ASTN2: variants seen among roughly 807,000 people sequenced by gnomAD.
ASTN2 encodes the protein astrotactin 2.
A neutral mutation model predicts 139.8 loss-of-function variants in ASTN2; 54 were observed. That is an observed-to-expected ratio of 0.39 (90% confidence interval 0.31 to 0.48). The LOEUF (loss-of-function observed/expected upper bound fraction) is 0.48. ASTN2 is among the 20% of genes least tolerant of loss of function. ASTN2 has a pLI of 0.95. For synonymous variants in ASTN2, 756 were observed against 719.5 expected (o/e 1.05, Z -0.81); for missense variants, 1,565 against 1,725.1 (o/e 0.91, Z 1.64).
intron 19 of ASTN2, among the ~76,000 whole-genome samples, chr9:116,588,064 C>T (rs1408990930): frequency 6.6e-6 from 1 of 152,128 alleles, no homozygotes; most frequent in African/African-American, 2.4e-5. Flanking sequence ...TACAGTGTTA[C>T]TACAAAACTG....
chr9:116,889,963 A>G (rs983049030), intron 10 of ASTN2, among the ~76,000 whole-genome samples: 8 of 152,180 alleles, frequency 5.3e-5, no homozygotes, highest in African/African-American at 1.9e-4. Flanking sequence ...TAGGAAAGAA[A>G]GGAAGAAAGA....
chr9:116,877,098 A>C (rs1833323180), intron 10 of ASTN2, among the ~76,000 whole-genome samples: 1 of 152,174 alleles, frequency 6.6e-6, no homozygotes, highest in Non-Finnish European at 1.5e-5. Context: ...CATTTACCCT[A>C]TTTGGAAAAG....
chr9:117,409,662 G>T (rs1943007007), intron 1 of ASTN2, among the ~76,000 whole-genome samples: 1 of 152,048 alleles, frequency 6.6e-6, no homozygotes, highest in Non-Finnish European at 1.5e-5. Context: ...TAGGGACAGG[G>T]TCTCCCCCTG....
chr9:117,205,066 T>G (rs546760025), intron 3 of ASTN2, among the ~76,000 whole-genome samples: 1 of 152,304 alleles, frequency 6.6e-6, no homozygotes, highest in South Asian at 2.1e-4. Context: ...CTGTCCTTGT[T>G]GTAAGATGAG....
intron 1 of ASTN2, among the ~76,000 whole-genome samples, chr9:117,301,053 G>C (rs1223372654): frequency 6.6e-6 from 1 of 152,158 alleles, no homozygotes; most frequent in Non-Finnish European, 1.5e-5. Flanking sequence ...GAAGAATTAA[G>C]AGCTATTGGC....
intron 1 of ASTN2, among the ~76,000 whole-genome samples, chr9:117,380,615 A>C (rs1830244642): frequency 6.7e-6 from 1 of 149,962 alleles, no homozygotes. Context: ...AAAAAAAAAA[A>C]GATAACCTGC....
chr9:117,297,601 A>T (rs1251309149), intron 1 of ASTN2, among the ~76,000 whole-genome samples: 1 of 152,212 alleles, frequency 6.6e-6, no homozygotes, highest in Non-Finnish European at 1.5e-5. Flanking sequence ...AGGTTAAGGC[A>T]AACTAATGAT....
At chr9:117,374,267 A>G (rs1830062471) in intron 1 of ASTN2, among the ~76,000 whole-genome samples, 1 of 151,216 alleles carries the variant, frequency 6.6e-6, no homozygotes, top group African/African-American at 2.4e-5. Context: ...TGCTGGCAGG[A>G]CCCATGTCTT....
intron 4 of ASTN2, among the ~76,000 whole-genome samples, chr9:117,124,134 C>A (rs1829628131): frequency 6.6e-6 from 1 of 152,180 alleles, no homozygotes; most frequent in African/African-American, 2.4e-5. Context: ...ACAGGGATTT[C>A]TCAGGCTTCT....
Position 116,424,576 on chromosome 9 carries a change from C to T in ASTN2, c.*1275G>A, listed in dbSNP as rs16933538. On this transcript the variant is annotated 3_prime_UTR_variant, in exon 23 of 23. Transcript: ENST00000313400. ...TGGGCTTTTGTTCATATCTCTTCTT[C>T]CTGGAGCAAATTCCATCTTTTTTTT... Among the ~76,000 whole-genome samples, 1,115 of 146,254 alleles carry T rather than the reference C, an allele frequency of 7.6e-3. 17 individuals carry two copies. The highest frequency in any genetic ancestry group is 0.026 in the African/African-American group (1,033 of 39,630).
At chr9:116,567,764 ACTAGTTATTGAATAACTG>A (rs948006629) in intron 19 of ASTN2, among the ~76,000 whole-genome samples, 12 of 152,168 alleles carry the variant, frequency 7.9e-5, no homozygotes, top group Non-Finnish European at 1.3e-4. Context: ...AGATCATACT[ACTAGTTATTGAATAACTG>A]CTAGTTATTG....
chr9:116,688,879 GA>G (rs34641332), intron 16 of ASTN2, among the ~76,000 whole-genome samples: 31 of 147,000 alleles, frequency 2.1e-4, no homozygotes, highest in South Asian at 1.7e-3. Context: ...ACAACCACCA[GA>G]AAAAAAAAAG....
intron 1 of ASTN2, among the ~76,000 whole-genome samples, chr9:117,383,370 G>A (rs937178218): frequency 1.3e-5 from 2 of 152,132 alleles, no homozygotes; most frequent in Admixed American, 6.5e-5. Flanking sequence ...TGACTGACTG[G>A]AAGGAATTAC....
At chr9:116,856,471 C>A (rs1005045916) in intron 11 of ASTN2, among the ~76,000 whole-genome samples, 2 of 152,146 alleles carry the variant, frequency 1.3e-5, no homozygotes, top group South Asian at 4.1e-4. Flanking sequence ...GTCTTCCCCA[C>A]CCCTCTTGAG....
At chr9:116,940,144 A>T (rs897389680) in intron 10 of ASTN2, among the ~76,000 whole-genome samples, 21 of 152,202 alleles carry the variant, frequency 1.4e-4, no homozygotes, top group African/African-American at 5.1e-4. Context: ...CAGAGGTCTC[A>T]CTATGTTGCC....
chr9:116,800,114 C>T lies in ASTN2; in HGVS notation c.2396+5518G>A, dbSNP rs146123626. Among the ~76,000 whole-genome samples, 43 of 152,174 alleles carry T rather than the reference C, an allele frequency of 2.8e-4. No individual in the cohort carries two copies. In the South Asian group the frequency reaches 4.4e-3, roughly 15 times the overall value. On this transcript the variant is annotated intron_variant, in intron 13 of 22. Coordinates refer to ENST00000313400, the MANE Select transcript of ASTN2 (RefSeq NM_001365068.1). Reference sequence around the variant, plus strand: ...TTTTGATTTTTGTATGAACTGTGTCCTTCTTTCTTGATCTTTTCATGTCTC... The same window carrying T: ...TTTTGATTTTTGTATGAACTGTGTCTTTCTTTCTTGATCTTTTCATGTCTC...
chr9:116,621,493 T>C (rs1467900078), intron 17 of ASTN2, among the ~76,000 whole-genome samples: 1 of 151,956 alleles, frequency 6.6e-6, no homozygotes, highest in East Asian at 1.9e-4. Flanking sequence ...AATATTCCCC[T>C]CTCTGCACTC....
Position 116,976,801 on chromosome 9 carries a change from A to G in ASTN2, c.1592-16T>C. On this transcript the variant is annotated splice_polypyrimidine_tract_variant and intron_variant, in intron 7 of 22. Transcript: ENST00000313400. ...CTGCACTCTCCTGTAAGTGAAAAGA[A>G]AAAAGATTATTGTTAAGTAGAGTCT... is the stretch of plus-strand genomic sequence containing the variant. 1.2e-6 allele frequency: 2 copies of G among 1,612,394 alleles called. No homozygotes were observed. Among genetic ancestry groups the G allele is most frequent in the African/African-American group, 1.3e-5 (1 of 75,026 alleles).
At chr9:116,703,454 T>C (rs567915943) in intron 16 of ASTN2, among the ~76,000 whole-genome samples, 1 of 152,122 alleles carries the variant, frequency 6.6e-6, no homozygotes, top group East Asian at 1.9e-4. Flanking sequence ...GAAACCATCA[T>C]TCTCAGTAAA....
Sources: gnomAD v4.1 joint callset for allele counts (sites outside exome capture counted in the v4.1 genomes callset) on GRCh38, gnomAD v4.1.1 for gene constraint, MANE v1.5 for transcripts, NCBI Gene and HGNC (gene_info 2026-07-23, HGNC 2026-07-21) for gene names.